The following TNS3 variants were observed in gnomAD, a reference collection of about 807,000 sequenced individuals.
TNS3 encodes the protein tensin-3.
Under a neutral mutation model 140.9 loss-of-function variants are expected in TNS3, and 45 were observed. That is an observed-to-expected ratio of 0.32 (90% confidence interval 0.25 to 0.41). TNS3 has a LOEUF of 0.41. TNS3 is among the 10% of genes least tolerant of loss of function. The pLI is 1.00. For missense variants in TNS3, 1,716 were observed against 1,906.7 expected (o/e 0.90, Z 1.86); for synonymous variants, 815 against 788.4 (o/e 1.03, Z -0.56).
intron 2 of TNS3, among the ~76,000 whole-genome samples, chr7:47,513,411 C>A (rs1798673689): frequency 6.6e-6 from 1 of 152,182 alleles, no homozygotes; most frequent in Non-Finnish European, 1.5e-5. Context: ...TCGATCGATT[C>A]TCCCGCCTCG....
At chr7:47,519,816 C>CTTTTTTTTTTTTT (rs34418629) in intron 2 of TNS3, among the ~76,000 whole-genome samples, 1 of 74,824 alleles carries the variant, frequency 1.3e-5, no homozygotes, top group African/African-American at 5.3e-5. Context: ...CCTCACATTT[C>CTTTTTTTTTTTTT]TTTTTTTTTT....
rs2150532700 is a variant in TNS3, at chr7:47,280,177, C to T, written c.4180G>A (p.Gly1394Ser). 1 of 1,614,122 alleles carries T rather than the reference C, an allele frequency of 6.2e-7. No homozygotes were observed. Among genetic ancestry groups the T allele is most frequent in the Non-Finnish European group, 8.5e-7 (1 of 1,180,028 alleles). The change falls in exon 30 of 31, where the codon GGC (glycine) becomes AGC (serine). Residue 1394 changes from glycine to serine, a missense_variant. Coordinates refer to ENST00000311160, the MANE Select transcript of TNS3 (RefSeq NM_022748.12). Reference sequence around the variant, plus strand: ...TCAGCAACTTACTTTGAGGAAGGGCCATCTTTGATCCACCTTGCAAATTAA... The same window carrying T: ...TCAGCAACTTACTTTGAGGAAGGGCTATCTTTGATCCACCTTGCAAATTAA... ...DPQDRKWIKD[G>S]PSSKVFGFVA...
chr7:47,498,263 C>G (rs1798085638), intron 3 of TNS3, among the ~76,000 whole-genome samples: 1 of 152,244 alleles, frequency 6.6e-6, no homozygotes. Flanking sequence ...CTCCTACCCT[C>G]CCATGTAACC....
intron 28 of TNS3, among the ~76,000 whole-genome samples, chr7:47,280,818 C>G (rs1785106363): frequency 1.3e-5 from 2 of 151,900 alleles, no homozygotes; most frequent in Non-Finnish European, 2.9e-5. Flanking sequence ...GAGGTGGAAA[C>G]AGGAGAATTG....
chr7:47,325,600 G>A (rs1255924674), intron 20 of TNS3, among the ~76,000 whole-genome samples: 1 of 152,124 alleles, frequency 6.6e-6, no homozygotes, highest in African/African-American at 2.4e-5. Flanking sequence ...TGTGTGACGG[G>A]GACCTTCTGG....
chr7:47,453,337 A>G, intron 4 of TNS3: 1 of 799,606 alleles, frequency 1.3e-6, no homozygotes, highest in Non-Finnish European at 1.5e-6. Flanking sequence ...CCTGGGGACT[A>G]GCCACTAGGG....
chr7:47,322,668 A>G (rs1787814341), intron 20 of TNS3, among the ~76,000 whole-genome samples: 2 of 152,242 alleles, frequency 1.3e-5, no homozygotes, highest in African/African-American at 4.8e-5. Context: ...TATATGACGA[A>G]CATAAAACTG....
At chr7:47,464,185 A>T (rs923823161) in intron 4 of TNS3, among the ~76,000 whole-genome samples, 1 of 152,100 alleles carries the variant, frequency 6.6e-6, no homozygotes, top group Non-Finnish European at 1.5e-5. Flanking sequence ...TCTTTTCCAG[A>T]TTTATGTTCC....
intron 16 of TNS3, among the ~76,000 whole-genome samples, chr7:47,396,383 G>C (rs1472149426): frequency 6.6e-6 from 1 of 152,244 alleles, no homozygotes; most frequent in Non-Finnish European, 1.5e-5. Context: ...CAAGCAAACA[G>C]AAATTAAAAC....
rs754391316 is a variant in TNS3, at chr7:47,400,386, T to G, written c.919+7A>C. ...AGGACCACCCAGTATTCCACCAAGC[T>G]ACCCACCTTGAATCTTCTCAGGCGT... On this transcript the variant is annotated splice_region_variant and intron_variant, in intron 15 of 30. Transcript: ENST00000311160. 1.2e-6 allele frequency: 2 copies of G among 1,613,940 alleles called. No individual in the cohort carries two copies. The highest frequency in any genetic ancestry group is 2.2e-5 in the South Asian group (2 of 91,072).
chr7:47,416,765 T>C (rs1026438811), intron 10 of TNS3, among the ~76,000 whole-genome samples: 6 of 152,154 alleles, frequency 3.9e-5, no homozygotes, highest in Non-Finnish European at 1.5e-5. Flanking sequence ...ATGCATGAAT[T>C]GTATATGTTT....
intron 24 of TNS3, 149 bp downstream of exon 24, chr7:47,296,933 C>G (rs1757856081): frequency 3.8e-6 from 4 of 1,045,234 alleles, no homozygotes; most frequent in Non-Finnish European, 5.4e-6. Flanking sequence ...AAGGTGAAAA[C>G]TTTGTAAAAT....
At chr7:47,490,501 G>A (rs1797770292) in intron 3 of TNS3, among the ~76,000 whole-genome samples, 1 of 152,214 alleles carries the variant, frequency 6.6e-6, no homozygotes, top group Admixed American at 6.5e-5. Flanking sequence ...TCTTGAGTCT[G>A]GGCTCGTCCT....
chr7:47,558,667 T>G (rs950422768), intron 1 of TNS3, among the ~76,000 whole-genome samples: 4 of 152,006 alleles, frequency 2.6e-5, no homozygotes, highest in African/African-American at 9.7e-5. Flanking sequence ...CCTGGGCAGG[T>G]TTCCCACGCA....
chr7:47,327,465 C>T (rs186502291), intron 20 of TNS3, among the ~76,000 whole-genome samples: 1 of 152,286 alleles, frequency 6.6e-6, no homozygotes, highest in East Asian at 1.9e-4. Context: ...TCCTGCTGCC[C>T]GCTGCCCGGG....
intron 2 of TNS3, among the ~76,000 whole-genome samples, chr7:47,515,199 T>C (rs919947110): frequency 6.6e-6 from 1 of 152,232 alleles, no homozygotes; most frequent in African/African-American, 2.4e-5. Flanking sequence ...ATATGAAATT[T>C]GCATTTAACT....
At chr7:47,578,660 C>T (rs978165309) in intron 1 of TNS3, among the ~76,000 whole-genome samples, 3 of 152,152 alleles carry the variant, frequency 2.0e-5, no homozygotes, top group African/African-American at 7.2e-5. Flanking sequence ...TGGAGACACC[C>T]GAGGGACCCT....
At chr7:47,374,369 T>C (rs1380954122) in intron 16 of TNS3, among the ~76,000 whole-genome samples, 1 of 152,180 alleles carries the variant, frequency 6.6e-6, no homozygotes, top group African/African-American at 2.4e-5. Context: ...TGGCGTTTCG[T>C]TGCTCAAACC....
chr7:47,528,895 TA>T, intron 2 of TNS3, 140 bp downstream of exon 2: 1 of 368,188 alleles, frequency 2.7e-6, no homozygotes, highest in Non-Finnish European at 4.8e-6. Flanking sequence ...AGTAAGGGGG[TA>T]GGGGGTTGGG....
Sources: gnomAD v4.1 joint callset for allele counts (sites outside exome capture counted in the v4.1 genomes callset) on GRCh38, gnomAD v4.1.1 for gene constraint, MANE v1.5 for transcripts, NCBI Gene and HGNC (gene_info 2026-07-23, HGNC 2026-07-21) for gene names.